The following PCDH9 variants were observed in gnomAD, a reference collection of about 807,000 sequenced individuals.
The protein encoded by PCDH9 is protocadherin-9.
PCDH9 carries 24 observed loss-of-function variants against 70.6 expected under a neutral mutation model. That is an observed-to-expected ratio of 0.34 (90% CI 0.25 to 0.48). The LOEUF (loss-of-function observed/expected upper bound fraction) is 0.48, where lower values mean the gene tolerates loss of function less well. PCDH9 is among the 20% of genes least tolerant of loss of function. The pLI is 0.99. For missense variants in PCDH9, 1,281 were observed against 1,503.6 expected, an observed-to-expected ratio of 0.85 and a Z score of 2.45; for synonymous variants, 562 against 558.5, an observed-to-expected ratio of 1.01 and a Z score of -0.09.
At chr13:67,033,662 T>C (rs2084951728) in intron 2 of PCDH9, among the ~76,000 whole-genome samples, 1 of 152,144 alleles carries the variant, frequency 6.6e-6, no homozygotes, top group African/African-American at 2.4e-5. Context: ...TCCTCACAAA[T>C]GCTATACTCG....
At chr13:66,412,466 AAC>A (rs751402603) in intron 4 of PCDH9, among the ~76,000 whole-genome samples, 87 of 152,334 alleles carry the variant, frequency 5.7e-4, no homozygotes, top group Middle Eastern at 3.4e-3. Flanking sequence ...ATTTTTCTAG[AAC>A]ACATCATTCT....
intron 4 of PCDH9, among the ~76,000 whole-genome samples, chr13:66,376,231 T>C (rs2063624572): frequency 1.3e-5 from 2 of 152,090 alleles, no homozygotes; most frequent in Non-Finnish European, 2.9e-5. Context: ...AACAACTCAC[T>C]AGATAAACTG....
intron 4 of PCDH9, among the ~76,000 whole-genome samples, chr13:66,454,824 C>A (rs572632673): frequency 6.6e-6 from 1 of 152,050 alleles, no homozygotes; most frequent in Non-Finnish European, 1.5e-5. Flanking sequence ...TACTAAATTT[C>A]GAACTTCTGA....
chr13:66,998,736 C>T (rs1417108796), intron 2 of PCDH9, among the ~76,000 whole-genome samples: 1 of 152,172 alleles, frequency 6.6e-6, no homozygotes, highest in Non-Finnish European at 1.5e-5. Flanking sequence ...AGCCCTTACA[C>T]TCAATTATCA....
intron 2 of PCDH9, among the ~76,000 whole-genome samples, chr13:66,962,710 T>C (rs1377362821): frequency 1.3e-5 from 2 of 152,188 alleles, no homozygotes; most frequent in Non-Finnish European, 2.9e-5. Flanking sequence ...TGAAATGTTA[T>C]TACATCACAC....
intron 4 of PCDH9, among the ~76,000 whole-genome samples, chr13:66,353,838 T>A (rs1484577348): frequency 6.6e-6 from 1 of 152,148 alleles, no homozygotes; most frequent in Non-Finnish European, 1.5e-5. Context: ...TATCTAACTG[T>A]CTCCAGCAAC....
At chr13:66,543,210 G>T (rs186774215) in intron 4 of PCDH9, among the ~76,000 whole-genome samples, 38 of 152,160 alleles carry the variant, frequency 2.5e-4, no homozygotes, top group African/African-American at 9.1e-4. Context: ...CATATCACTA[G>T]TAGACAGAAT....
intron 2 of PCDH9, among the ~76,000 whole-genome samples, chr13:67,040,838 GT>G (rs980190990): frequency 1.3e-5 from 2 of 149,736 alleles, no homozygotes; most frequent in Non-Finnish European, 3.0e-5. Flanking sequence ...TCAAATTGCA[GT>G]TTGATTAAGT....
intron 4 of PCDH9, among the ~76,000 whole-genome samples, chr13:66,510,480 A>C (rs915785157): frequency 6.6e-6 from 1 of 152,116 alleles, no homozygotes; most frequent in Non-Finnish European, 1.5e-5. Context: ...CATTTACATT[A>C]GGTATATCTC....
At chr13:66,410,897 A>G (rs2138322606) in intron 4 of PCDH9, among the ~76,000 whole-genome samples, 1 of 152,354 alleles carries the variant, frequency 6.6e-6, no homozygotes, top group South Asian at 2.1e-4. Flanking sequence ...AAATGTATCA[A>G]TAATGAAATG....
chr13:66,997,595 C>T (rs550189598), intron 2 of PCDH9, among the ~76,000 whole-genome samples: 2 of 152,236 alleles, frequency 1.3e-5, no homozygotes, highest in Non-Finnish European at 2.9e-5. Context: ...AGTGAAGTGG[C>T]ACAATCTTGG....
At position 66,313,109 on chromosome 13, in the gene PCDH9, T is replaced by C. The variant is rs568539537; in HGVS notation, c.3341-8081A>G. On this transcript the variant is annotated intron_variant, in intron 4 of 4. Coordinates refer to ENST00000377865, the MANE Select transcript of PCDH9 (RefSeq NM_203487.3). ...AAGCTAATTGCTGTAAAGAAAAGTTTCTCTGATAATTTTATGTGCTCTCTA... is the reference window on the plus strand; with the variant it reads ...AAGCTAATTGCTGTAAAGAAAAGTTCCTCTGATAATTTTATGTGCTCTCTA... Among the ~76,000 whole-genome samples, 3 of 152,338 alleles carry C rather than the reference T, an allele frequency of 2.0e-5. No individual in the cohort carries two copies. The South Asian group carries it at 6.2e-4, about 32-fold the overall frequency.
At chr13:66,863,290 A>G (rs2081514343) in intron 3 of PCDH9, among the ~76,000 whole-genome samples, 1 of 152,194 alleles carries the variant, frequency 6.6e-6, no homozygotes, top group Admixed American at 6.5e-5. Flanking sequence ...AAATAATAGT[A>G]ACTACCTCAG....
chr13:67,145,656 C>T (rs2087505811), intron 2 of PCDH9, among the ~76,000 whole-genome samples: 1 of 151,778 alleles, frequency 6.6e-6, no homozygotes, highest in African/African-American at 2.4e-5. Context: ...GGCTTCAAAT[C>T]CAGAAATAAG....
chr13:66,564,234 A>G (rs1288589676), intron 4 of PCDH9, among the ~76,000 whole-genome samples: 1 of 152,074 alleles, frequency 6.6e-6, no homozygotes, highest in Non-Finnish European at 1.5e-5. Context: ...GCATGATCAC[A>G]GGTCACTGCA....
intron 2 of PCDH9, among the ~76,000 whole-genome samples, chr13:67,039,217 G>T (rs960565531): frequency 1.3e-5 from 2 of 152,096 alleles, no homozygotes; most frequent in African/African-American, 4.8e-5. Flanking sequence ...TTGTTTTTCA[G>T]TTTCCGTGGA....
intron 3 of PCDH9, among the ~76,000 whole-genome samples, chr13:66,713,763 C>A (rs918440859): frequency 1.3e-5 from 2 of 151,286 alleles, no homozygotes; most frequent in African/African-American, 4.9e-5. Context: ...AAGACCAACC[C>A]CTCTTACTTT....
At chr13:66,452,523 C>T (rs1251966959) in intron 4 of PCDH9, among the ~76,000 whole-genome samples, 1 of 152,098 alleles carries the variant, frequency 6.6e-6, no homozygotes, top group East Asian at 1.9e-4. Flanking sequence ...TTGGAACTTA[C>T]ATGAATTGTC....
intron 4 of PCDH9, among the ~76,000 whole-genome samples, chr13:66,344,784 C>T (rs991046381): frequency 6.6e-6 from 1 of 152,150 alleles, no homozygotes; most frequent in Non-Finnish European, 1.5e-5. Flanking sequence ...ATTAATGTTT[C>T]TTAAGGGTCC....
Sources: allele counts gnomAD v4.1 joint callset (sites outside exome capture counted in the v4.1 genomes callset), GRCh38; gene constraint gnomAD v4.1.1; transcripts MANE v1.5; gene names NCBI Gene and HGNC (gene_info 2026-07-23, HGNC 2026-07-21).